Variants in SH2D4A observed in about 807,000 individuals in gnomAD.
SH2D4A encodes SH2 domain containing 4A.
Under a neutral mutation model 64.7 loss-of-function variants are expected in SH2D4A, and 70 were observed. The ratio of observed to expected loss-of-function variants is 1.08; its 90% CI spans 0.89 to 1.32. The LOEUF (loss-of-function observed/expected upper bound fraction) is 1.32, where lower values mean the gene tolerates loss of function less well. Among genes scored for constraint, SH2D4A ranks in the 40% most tolerant of loss-of-function variants. SH2D4A has a pLI of 0.00. For synonymous variants in SH2D4A, 268 were observed against 200.7 expected (o/e 1.34, Z -2.83); for missense variants, 706 against 540.1 (o/e 1.31, Z -3.04).
intron 1 of SH2D4A, among the ~76,000 whole-genome samples, chr8:19,318,606 T>A (rs1447063253): frequency 6.6e-6 from 1 of 152,176 alleles, no homozygotes; most frequent in African/African-American, 2.4e-5. Flanking sequence ...TCCCCCTAGT[T>A]TATCTGGTCT....
intron 1 of SH2D4A, among the ~76,000 whole-genome samples, chr8:19,318,787 T>C (rs1041437199): frequency 1.3e-5 from 2 of 152,220 alleles, no homozygotes; most frequent in Non-Finnish European, 2.9e-5. Flanking sequence ...GTACATAATT[T>C]TGTTTATTTA....
chr8:19,342,175 A>G (rs1040700418), intron 4 of SH2D4A, among the ~76,000 whole-genome samples: 1 of 152,200 alleles, frequency 6.6e-6, no homozygotes, highest in African/African-American at 2.4e-5. Flanking sequence ...ATTCAGTCTT[A>G]TACACATCAG....
At chr8:19,377,496 T>A (rs1362270968) in intron 8 of SH2D4A, among the ~76,000 whole-genome samples, 3 of 152,234 alleles carry the variant, frequency 2.0e-5, no homozygotes, top group African/African-American at 7.2e-5. Flanking sequence ...TCCATCCATA[T>A]TTTATATGCT....
intron 2 of SH2D4A, among the ~76,000 whole-genome samples, chr8:19,321,499 C>A (rs960221285): frequency 3.9e-5 from 6 of 152,214 alleles, no homozygotes; most frequent in Admixed American, 2.0e-4. Context: ...CAGGCCTGAG[C>A]CACTGAAGCT....
Position 19,319,544 on chromosome 8 carries a change from A to G in SH2D4A, c.-4A>G, listed in dbSNP as rs148011791. On this transcript the variant is annotated 5_prime_UTR_variant, in exon 2 of 10. Transcript: ENST00000265807. Reference sequence around the variant, plus strand: ...CAAGTATAAAAGACTTCAGAAGTGCAAAGATGCTGAAACAGATACTGTCGG... The same window carrying G: ...CAAGTATAAAAGACTTCAGAAGTGCGAAGATGCTGAAACAGATACTGTCGG... The G allele has an allele frequency of 1.5e-3, 2,349 of 1,515,912 alleles. 6 individuals are homozygous for G. The highest frequency in any genetic ancestry group is 2.6e-3 in the Admixed American group (117 of 44,424). 93.9% of individuals were successfully genotyped at this position (1,515,912 alleles called of 1,614,324 possible). A position where few individuals can be genotyped will look rare whatever the true frequency, so the allele number is the denominator to read the frequency against.
chr8:19,330,421 A>G (rs1158615191), intron 2 of SH2D4A, among the ~76,000 whole-genome samples: 1 of 151,960 alleles, frequency 6.6e-6, no homozygotes, highest in Non-Finnish European at 1.5e-5. Flanking sequence ...GACATTTCCC[A>G]TCTCATTCTC....
chr8:19,379,637 A>C (rs1407535790), intron 8 of SH2D4A, among the ~76,000 whole-genome samples: 5 of 152,080 alleles, frequency 3.3e-5, no homozygotes, highest in Non-Finnish European at 7.4e-5. Flanking sequence ...TTACCTTCCC[A>C]CCAACAGTGG....
At position 19,323,625 on chromosome 8, in the gene SH2D4A, C is replaced by A. The variant is rs373853057; in HGVS notation, c.181+3897C>A. ...CAAATTCCTGACCTTAGGTGATCCA[C>A]CTGCCTCGGCCTTCCGAAGGGCTGG... On this transcript the variant is annotated intron_variant, in intron 2 of 9. Transcript: ENST00000265807. Among the ~76,000 whole-genome samples the A allele has an allele frequency of 3.9e-5, 6 of 152,286 alleles. No individual in the cohort carries two copies. In the East Asian group the frequency reaches 5.8e-4, roughly 15 times the overall value.
intron 1 of SH2D4A, among the ~76,000 whole-genome samples, chr8:19,317,536 C>A (rs2052110952): frequency 6.6e-6 from 1 of 152,016 alleles, no homozygotes; most frequent in African/African-American, 2.4e-5. Flanking sequence ...TCACAATGAA[C>A]AGTCAGCGAA....
At chr8:19,378,003 C>G (rs1355157901) in intron 8 of SH2D4A, among the ~76,000 whole-genome samples, 1 of 152,170 alleles carries the variant, frequency 6.6e-6, no homozygotes, top group African/African-American at 2.4e-5. Context: ...TTCCATTCCT[C>G]ACAATGGAAT....
intron 2 of SH2D4A, among the ~76,000 whole-genome samples, chr8:19,326,494 A>G (rs1014503916): frequency 7.9e-5 from 12 of 152,196 alleles, no homozygotes; most frequent in African/African-American, 2.2e-4. Flanking sequence ...TGTAGTTAAT[A>G]TGGAACGTTG....
chr8:19,374,406 A>G (rs1214918719), intron 8 of SH2D4A, among the ~76,000 whole-genome samples: 1 of 152,172 alleles, frequency 6.6e-6, no homozygotes, highest in Non-Finnish European at 1.5e-5. Flanking sequence ...AATTGGCTAT[A>G]TGGACAACAA....
intron 4 of SH2D4A, among the ~76,000 whole-genome samples, chr8:19,337,832 C>A (rs2052468626): frequency 6.6e-6 from 1 of 152,168 alleles, no homozygotes; most frequent in South Asian, 2.1e-4. Flanking sequence ...CACCAGGTTC[C>A]TCCCACAACA....
rs1038360638 is a variant in SH2D4A at position 19,313,965 on chromosome 8, C to T, written c.-205+142C>T. The T allele has an allele frequency of 5.2e-5, 66 of 1,260,628 alleles. No individual in the cohort carries two copies. In the African/African-American group the frequency reaches 9.6e-4, roughly 18 times the overall value. 78.1% of individuals were successfully genotyped at this position (1,260,628 alleles called of 1,614,324 possible). ...GCGGGCGGAAGCCTCACCCCCGCCTCCACCCCTTCGCGGCGCCCGGGGCGG... is the reference window on the plus strand; with the variant it reads ...GCGGGCGGAAGCCTCACCCCCGCCTTCACCCCTTCGCGGCGCCCGGGGCGG... On this transcript the variant is annotated intron_variant, in intron 1 of 9. Transcript: ENST00000265807.
intron 7 of SH2D4A, among the ~76,000 whole-genome samples, chr8:19,365,797 G>A (rs571297755): frequency 6.3e-4 from 93 of 146,696 alleles, no homozygotes; most frequent in African/African-American, 2.5e-3. Context: ...GCCACCCCAG[G>A]AAAAGACAGA....
chr8:19,387,063 C>T (rs1170859357), intron 8 of SH2D4A, among the ~76,000 whole-genome samples: 1 of 66,758 alleles, frequency 1.5e-5, no homozygotes, highest in African/African-American at 6.3e-5. Flanking sequence ...TCTTGCCAAG[C>T]TGGAAATGCA....
intron 8 of SH2D4A, chr8:19,375,134 G>T (rs549572283): frequency 6.6e-6 from 1 of 152,102 alleles, no homozygotes; most frequent in East Asian, 1.9e-4. Flanking sequence ...TGAGTTTTAC[G>T]TAAAATAACT....
chr8:19,344,976 A>G (rs189153124), intron 4 of SH2D4A, among the ~76,000 whole-genome samples: 215 of 152,318 alleles, frequency 1.4e-3, no homozygotes, highest in Admixed American at 3.5e-3. Flanking sequence ...GTTGATAAGG[A>G]ATGGTGGGCC....
At chr8:19,349,895 G>T (rs540434599) in intron 4 of SH2D4A, among the ~76,000 whole-genome samples, 1 of 152,206 alleles carries the variant, frequency 6.6e-6, no homozygotes, top group African/African-American at 2.4e-5. Flanking sequence ...GTAGAGACGG[G>T]GCTTCACCAT....
Sources: gnomAD v4.1 joint callset for allele counts (sites outside exome capture counted in the v4.1 genomes callset) on GRCh38, gnomAD v4.1.1 for gene constraint, MANE v1.5 for transcripts, NCBI Gene and HGNC (gene_info 2026-07-23, HGNC 2026-07-21) for gene names.